Variants in TAF4 observed in about 807,000 individuals in gnomAD.
TAF4 encodes transcription initiation factor TFIID subunit 4.
A neutral mutation model predicts 90.3 loss-of-function variants in TAF4; 9 were observed. That is an observed-to-expected ratio of 0.10 (90% CI 0.06 to 0.17). The LOEUF is 0.17. Among genes scored for constraint, TAF4 ranks in the 10% least tolerant of loss-of-function variants. TAF4 has a pLI of 1.00. For synonymous variants in TAF4, 818 were observed against 638.9 expected (o/e 1.28, Z -4.23); for missense variants, 1,351 against 1,370.7 (o/e 0.99, Z 0.23).
chr20:62,054,205 A>AG (rs1228276915), intron 1 of TAF4, among the ~76,000 whole-genome samples: 1 of 152,200 alleles, frequency 6.6e-6, no homozygotes, highest in East Asian at 1.9e-4. Context: ...CAGCAGCACA[A>AG]GCATGAAGGA....
chr20:62,006,519 G>T lies in TAF4; in HGVS notation c.2214C>A (p.Pro738=), dbSNP rs1385838046. The change falls in exon 7 of 15, where the codon CCC becomes CCA. Residue 738 remains proline (P), a synonymous_variant. Coordinates refer to ENST00000252996, the MANE Select transcript of TAF4 (RefSeq NM_003185.4). This position sits in a 1 kb window ranked among gnomAD's most constrained non-coding sequence, Gnocchi z 7.0. ...GGCGCCCCTTCCATACCAGCGGTGT[G>T]GGTTGCCCCTGCTTGCCGACGCCGA... ...TQVGVGKQGQ[P]TPLVIQQPPK... 8 of 1,537,510 alleles carry T rather than the reference G, an allele frequency of 5.2e-6. No individual in the cohort carries two copies. The highest frequency in any genetic ancestry group is 7.0e-6 in the Non-Finnish European group (8 of 1,142,758).
At chr20:62,063,516 G>A (rs995888518) in intron 1 of TAF4, among the ~76,000 whole-genome samples, 34 of 152,232 alleles carry the variant, frequency 2.2e-4, no homozygotes, top group African/African-American at 8.0e-4. Context: ...TCAAACTTGA[G>A]GGGCCCTGAG....
chr20:61,985,785 G>C (rs185420449), intron 14 of TAF4, among the ~76,000 whole-genome samples: 26 of 151,894 alleles, frequency 1.7e-4, no homozygotes, highest in African/African-American at 5.6e-4. Context: ...ACGAGTGTTT[G>C]TGTGTGTGCA....
rs190784247 is a variant in TAF4, at chr20:61,987,115, G to A, written c.3090+10435C>T. On this transcript the variant is annotated intron_variant, in intron 14 of 14. Transcript: ENST00000252996. ...CAGCAACAGCCAGGCGACACCACCT[G>A]CCTCCCAATCCAGTGCTCTGAGGAC... 1.4e-4 allele frequency among the ~76,000 whole-genome samples: 22 copies of A among 152,302 alleles called. No individual in the cohort carries two copies. The East Asian group carries it at 4.2e-3, about 29-fold the overall frequency.
intron 9 of TAF4, among the ~76,000 whole-genome samples, chr20:62,000,923 C>T (rs897314318): frequency 2.0e-5 from 3 of 152,304 alleles, no homozygotes; most frequent in East Asian, 1.9e-4. Context: ...GATTGTTCTG[C>T]GGAAGGAGAG....
rs185656881 is a variant in TAF4 at position 62,065,259 on chromosome 20, A to G, written c.552T>C (p.Pro184=). 0.037 allele frequency: 3,315 copies of G among 89,358 alleles called. 642 individuals carry two copies. The highest frequency in any genetic ancestry group is 0.23 in the Admixed American group (206 of 886). 5.5% of individuals were successfully genotyped at this position (89,358 alleles called of 1,614,324 possible). The change falls in exon 1 of 15, where the codon CCT becomes CCC. Residue 184 remains proline, a synonymous_variant. Transcript: ENST00000252996. ...PGPGPGPGPG[P]GPGKPAGPGA... is the part of the protein sequence containing the mutation. ...CGGGGCCGGCGGGCTTGCCAGGGCC[A>G]GGGCCGGGGCCGGGGCCGGGGCCGG... is the stretch of plus-strand genomic sequence containing the variant.
Position 62,006,603 on chromosome 20 carries a change from C to A in TAF4, c.2130G>T (p.Ala710=). ...GCTGGAGGGCACTGGTCACGGTGGC[C>A]GCCGTCTTCCCGGCCGTGCGCTGGA... The part of the protein sequence containing the change: ...SSVQRTAGKT[A]ATVTSALQPP... Residue 710 remains alanine, a synonymous_variant, in exon 7 of 15, where the codon GCG becomes GCT. Coordinates refer to ENST00000252996, the MANE Select transcript of TAF4 (RefSeq NM_003185.4). The surrounding 1 kb of genome is among the most constrained non-coding windows in gnomAD (Gnocchi z 7.0). The A allele has an allele frequency of 6.3e-7, 1 of 1,599,918 alleles. No individual in the cohort carries two copies. Among genetic ancestry groups the A allele is most frequent in the Non-Finnish European group, 8.5e-7 (1 of 1,174,688 alleles).
At chr20:62,064,357 T>C in intron 1 of TAF4, 94 bp downstream of exon 1, 1 of 1,244,680 alleles carries the variant, frequency 8.0e-7, no homozygotes, top group Non-Finnish European at 1.0e-6. Flanking sequence ...ACGGGACAGA[T>C]GACCTTAGCA....
intron 1 of TAF4, among the ~76,000 whole-genome samples, chr20:62,046,531 C>T (rs2055994265): frequency 6.6e-6 from 1 of 152,206 alleles, no homozygotes; most frequent in Non-Finnish European, 1.5e-5. Context: ...TGTCGTGATC[C>T]GCTCCTGCGT....
At chr20:62,054,012 G>A (rs918033895) in intron 1 of TAF4, among the ~76,000 whole-genome samples, 2 of 152,200 alleles carry the variant, frequency 1.3e-5, no homozygotes, top group Non-Finnish European at 2.9e-5. Context: ...GCACTGGAGG[G>A]CCCACAGGAC....
chr20:62,009,718 G>A (rs28382067), intron 4 of TAF4, among the ~76,000 whole-genome samples: 5 of 152,250 alleles, frequency 3.3e-5, no homozygotes, highest in South Asian at 2.1e-4. Context: ...GATGTGTATC[G>A]ATACAGGCCG....
At chr20:62,016,203 C>G (rs1260823402) in intron 1 of TAF4, among the ~76,000 whole-genome samples, 4 of 152,226 alleles carry the variant, frequency 2.6e-5, no homozygotes, top group Non-Finnish European at 5.9e-5. Flanking sequence ...CACTCGGCGC[C>G]TGGGGACCCC....
intron 9 of TAF4, among the ~76,000 whole-genome samples, chr20:62,002,765 C>G (rs1746280): frequency 0.76 from 116,133 of 152,176 alleles, 45,341 homozygotes; most frequent in African/African-American, 0.94. Flanking sequence ...GTAGTGCTGG[C>G]ACTGTAAGCG....
chr20:62,051,432 G>A (rs1166144729), intron 1 of TAF4, among the ~76,000 whole-genome samples: 3 of 152,162 alleles, frequency 2.0e-5, no homozygotes, highest in African/African-American at 7.2e-5. Context: ...GAGCCACCCA[G>A]CAATGCTCCC....
Position 61,976,029 on chromosome 20 carries a change from T to C in TAF4, c.*139A>G. The stretch of plus-strand genomic sequence containing the variant: ...TACAGAAACGTGTTTTCTTTCACAC[T>C]GAAGAGCTGATTTAGAAACAGGAAT... On this transcript the variant is annotated 3_prime_UTR_variant, in exon 15 of 15. Coordinates refer to ENST00000252996, the MANE Select transcript of TAF4 (RefSeq NM_003185.4). 1.1e-6 allele frequency: 1 copy of C among 904,038 alleles called. No individual in the cohort carries two copies. The highest frequency in any genetic ancestry group is 1.7e-5 in the South Asian group (1 of 58,922). 56.0% of individuals were successfully genotyped at this position (904,038 alleles called of 1,614,324 possible).
chr20:62,053,488 C>T (rs1055103552), intron 1 of TAF4, among the ~76,000 whole-genome samples: 3 of 152,212 alleles, frequency 2.0e-5, no homozygotes, highest in Non-Finnish European at 2.9e-5. Flanking sequence ...AGAGAAGATG[C>T]CCACCTTGAG....
intron 2 of TAF4, among the ~76,000 whole-genome samples, 166 bp downstream of exon 2, chr20:62,014,381 C>T (rs1453710754): frequency 6.6e-6 from 1 of 152,158 alleles, no homozygotes; most frequent in Non-Finnish European, 1.5e-5. Flanking sequence ...AGAGCAGCGC[C>T]GTCCCGGGCC....
rs1192558869 is a variant in TAF4 at position 62,010,445 on chromosome 20, C to T, written c.1642-280G>A. On this transcript the variant is annotated intron_variant, in intron 3 of 14. Transcript: ENST00000252996. The surrounding 1 kb of genome is among the most constrained non-coding windows in gnomAD (Gnocchi z 4.5). ...CACAAAGCCAGGCACTGCAGAGACC[C>T]CAGTCCTCAGAAGTCCATGGAAAAA... Among the ~76,000 whole-genome samples, 1 of 152,096 alleles carries T rather than the reference C, an allele frequency of 6.6e-6. No individual in the cohort carries two copies. The highest frequency in any genetic ancestry group is 2.4e-5 in the African/African-American group (1 of 41,402).
intron 1 of TAF4, among the ~76,000 whole-genome samples, chr20:62,023,738 A>C (rs1240529946): frequency 7.9e-6 from 1 of 126,960 alleles, no homozygotes; most frequent in East Asian, 2.3e-4. Context: ...ACAGAGCAAG[A>C]CTCCATCTCA....
Sources: allele counts gnomAD v4.1 joint callset (sites outside exome capture counted in the v4.1 genomes callset), GRCh38; gene constraint gnomAD v4.1.1; non-coding constraint Gnocchi (gnomAD v3.1); transcripts MANE v1.5; gene names NCBI Gene and HGNC (gene_info 2026-07-23, HGNC 2026-07-21).